Variants in MEGF6 observed in about 807,000 individuals in gnomAD.
MEGF6 encodes the protein multiple EGF like domains 6.
MEGF6 carries 184 observed loss-of-function variants against 207.1 expected under a neutral mutation model. That is an observed-to-expected ratio of 0.89 (90% CI 0.79 to 1.00). MEGF6 has a LOEUF of 1.00. MEGF6 is among the 50% of genes least tolerant of loss of function. The pLI, the probability that MEGF6 is intolerant of heterozygous loss-of-function variation, is 0.00. For synonymous variants in MEGF6, 1,038 were observed against 910.0 expected, an observed-to-expected ratio of 1.14 and a Z score of -2.53; for missense variants, 2,282 against 2,202.9, an observed-to-expected ratio of 1.04 and a Z score of -0.72.
intron 4 of MEGF6, among the ~76,000 whole-genome samples, chr1:3,544,941 C>T (rs1477569357): frequency 3.3e-5 from 5 of 152,180 alleles, no homozygotes; most frequent in Non-Finnish European, 5.9e-5. Flanking sequence ...CTCGGGTCAC[C>T]GGACAGTGAC....
intron 4 of MEGF6, among the ~76,000 whole-genome samples, chr1:3,561,583 A>G (rs867708857): frequency 2.5e-4 from 38 of 152,064 alleles, no homozygotes; most frequent in African/African-American, 8.4e-4. Context: ...GACCCGGGGG[A>G]GCTTGTGGGA....
At chr1:3,572,405 G>A (rs1238250113) in intron 4 of MEGF6, among the ~76,000 whole-genome samples, 1 of 118,628 alleles carries the variant, frequency 8.4e-6, no homozygotes, top group African/African-American at 3.6e-5. Context: ...GGTCCTCCTG[G>A]GTGTGCTGGG....
intron 4 of MEGF6, among the ~76,000 whole-genome samples, chr1:3,557,328 C>T (rs951254177): frequency 6.6e-6 from 1 of 152,212 alleles, no homozygotes; most frequent in African/African-American, 2.4e-5. Flanking sequence ...TGAACCTTTA[C>T]CATGAAAAAC....
intron 4 of MEGF6, among the ~76,000 whole-genome samples, chr1:3,538,031 C>T (rs980265274): frequency 1.3e-5 from 2 of 152,320 alleles, no homozygotes; most frequent in African/African-American, 4.8e-5. Flanking sequence ...CCAGAAGGTA[C>T]TAGAAGGAGG....
chr1:3,499,690 C>T lies in MEGF6; in HGVS notation c.2863G>A (p.Asp955Asn). Residue 955 changes from aspartate (D) to asparagine (N), a missense_variant, in exon 23 of 37, where the codon GAC (aspartate) becomes AAC (asparagine). Coordinates refer to ENST00000356575, the MANE Select transcript of MEGF6 (RefSeq NM_001409.4). ...GTGCAGTTGCAGGCACTGCGACAGT[C>T]CAATCCAAAGAAGCCGGCCGGGCAG... ...HACPAGFFGL[D>N]CRSACNCTAG... is the part of the protein sequence containing the mutation. 3 of 1,602,938 alleles carry T rather than the reference C, an allele frequency of 1.9e-6. No individual in the cohort carries two copies. Among genetic ancestry groups the T allele is most frequent in the South Asian group, 2.2e-5 (2 of 89,212 alleles).
intron 4 of MEGF6, among the ~76,000 whole-genome samples, chr1:3,548,313 G>T (rs1299325219): frequency 6.6e-6 from 1 of 152,244 alleles, no homozygotes; most frequent in African/African-American, 2.4e-5. Context: ...CCTCAGGACG[G>T]GCCCTGGAAG....
rs759324844 is a variant in MEGF6 at position 3,524,160 on chromosome 1, C to G, written c.568G>C (p.Gly190Arg). The G allele has an allele frequency of 1.2e-6, 2 of 1,612,784 alleles. No individual in the cohort carries two copies. The highest frequency in any genetic ancestry group is 4.5e-5 in the East Asian group (2 of 44,866). The change falls in exon 5 of 37, where the codon GGC (glycine) becomes CGC (arginine). Residue 190 changes from glycine to arginine, a missense_variant. By Grantham distance (125) the Gly-to-Arg change is moderately radical. Transcript: ENST00000356575. ...PGSYLCECKP[G>R]FRLHTDSRTC... Reference sequence around the variant, plus strand: ...CTGCTGTCAGTGTGGAGCCGGAAGCCGGGCTTGCACTCACAGAGGTAGGAG... The same window carrying G: ...CTGCTGTCAGTGTGGAGCCGGAAGCGGGGCTTGCACTCACAGAGGTAGGAG...
Position 3,510,811 on chromosome 1 carries a change from C to A in MEGF6, c.1206G>T (p.Arg402=). The change falls in exon 10 of 37, where the codon CGG becomes CGT. Residue 402 remains arginine (R), a synonymous_variant. Transcript: ENST00000356575. ...GYECGCYAGY[R]LSADGCGCED... Reference sequence around the variant, plus strand: ...CACAGCCGCAGCCATCGGCACTGAGCCGGTAGCCGGCGTAGCAGCCGCACT... The same window carrying A: ...CACAGCCGCAGCCATCGGCACTGAGACGGTAGCCGGCGTAGCAGCCGCACT... 1 of 1,609,980 alleles carries A rather than the reference C, an allele frequency of 6.2e-7. No individual in the cohort carries two copies. The highest frequency in any genetic ancestry group is 8.5e-7 in the Non-Finnish European group (1 of 1,177,838).
At chr1:3,510,697 G>T in intron 10 of MEGF6, 86 bp downstream of exon 10, 1 of 1,493,410 alleles carries the variant, frequency 6.7e-7, no homozygotes, top group Non-Finnish European at 9.0e-7. Flanking sequence ...CCCACCATGG[G>T]GGTACCAGAG....
At chr1:3,514,846 A>T (rs1641482792) in intron 6 of MEGF6, among the ~76,000 whole-genome samples, 174 bp from the exon 7 acceptor site, 1 of 152,078 alleles carries the variant, frequency 6.6e-6, no homozygotes, top group Non-Finnish European at 1.5e-5. Context: ...AGCCCCCAAG[A>T]CGCCGAGAAG....
At chr1:3,506,378 C>G (rs979233423) in intron 14 of MEGF6, 142 bp from the exon 15 acceptor site, 42 of 1,034,942 alleles carry the variant, frequency 4.1e-5, no homozygotes, top group Non-Finnish European at 5.3e-5. Context: ...GGTGAGCCTT[C>G]CGGATGTGGC....
chr1:3,497,029 C>T lies in MEGF6; in HGVS notation c.3572G>A (p.Cys1191Tyr), dbSNP rs1464465050. The T allele has an allele frequency of 1.2e-5, 18 of 1,552,554 alleles. No individual in the cohort carries two copies. In the East Asian group the frequency reaches 1.9e-4, roughly 17 times the overall value. Residue 1191 changes from cysteine (C) to tyrosine (Y), a missense_variant, in exon 28 of 37, where the codon TGC becomes TAC. Transcript: ENST00000356575. ...GCCGTGGTAGCCAGCAGCACATGAG[C>T]AGGTCCCGGTGGCAGGGTGGCAGGC... ...NPACHPATGT[C>Y]SCAAGYHGPS...
intron 4 of MEGF6, among the ~76,000 whole-genome samples, chr1:3,544,838 C>T (rs1293259700): frequency 3.3e-5 from 5 of 152,086 alleles, no homozygotes; most frequent in Non-Finnish European, 7.4e-5. Flanking sequence ...CGGGGAACAG[C>T]GGGGCAGAGG....
At chr1:3,509,388 C>G (rs953792245) in intron 11 of MEGF6, 143 bp from the exon 12 acceptor site, 2 of 673,634 alleles carry the variant, frequency 3.0e-6, no homozygotes, top group South Asian at 5.6e-5. Flanking sequence ...ACCTCCTCAG[C>G]CTGGTCCCAG....
At chr1:3,585,833 T>C (rs1470064953) in intron 3 of MEGF6, among the ~76,000 whole-genome samples, 3 of 141,474 alleles carry the variant, frequency 2.1e-5, no homozygotes, top group Non-Finnish European at 4.5e-5. Flanking sequence ...ACATGTCCTG[T>C]GTGTGGGTGT....
the MEGF6 span, among the ~76,000 whole-genome samples, chr1:3,621,214 T>A: frequency 6.6e-6 from 1 of 152,188 alleles, no homozygotes; most frequent in African/African-American, 2.4e-5. Flanking sequence ...AAAGGGAGAC[T>A]CCTTTTCCTG....
At chr1:3,500,524 G>A in intron 21 of MEGF6, 109 bp downstream of exon 21, 2 of 1,412,724 alleles carry the variant, frequency 1.4e-6, no homozygotes, top group South Asian at 2.9e-5. Flanking sequence ...CTTCGTGTGT[G>A]TGCGTGCAGG....
intron 35 of MEGF6, among the ~76,000 whole-genome samples, chr1:3,491,870 A>C (rs1346610726): frequency 6.6e-6 from 1 of 151,646 alleles, no homozygotes; most frequent in African/African-American, 2.4e-5. Flanking sequence ...ATTCCAGGAC[A>C]GCCTCAGGGT....
At chr1:3,507,317 G>A (rs1641153996) in intron 14 of MEGF6, among the ~76,000 whole-genome samples, 1 of 152,196 alleles carries the variant, frequency 6.6e-6, no homozygotes, top group African/African-American at 2.4e-5. Context: ...TTAGCCACCT[G>A]GGAAACATTT....
Sources: gnomAD v4.1 joint callset for allele counts (sites outside exome capture counted in the v4.1 genomes callset) on GRCh38, gnomAD v4.1.1 for gene constraint, MANE v1.5 for transcripts, NCBI Gene and HGNC (gene_info 2026-07-23, HGNC 2026-07-21) for gene names.